Variants in GNB1L observed in about 807,000 individuals in gnomAD.
GNB1L encodes G protein subunit beta 1 like, also known as guanine nucleotide-binding protein subunit beta-like protein 1.
GNB1L carries 20 observed loss-of-function variants against 29.1 expected under a neutral mutation model. That is an observed-to-expected ratio of 0.69 (90% CI 0.48 to 1.00). The LOEUF is 1.00. Ranked by LOEUF, GNB1L falls within the 50% of genes least tolerant of loss-of-function variation. GNB1L has a pLI of 0.00. For missense variants in GNB1L, 421 were observed against 464.9 expected, an observed-to-expected ratio of 0.91 and a Z score of 0.87; for synonymous variants, 193 against 206.5, an observed-to-expected ratio of 0.93 and a Z score of 0.56.
chr22:19,821,632 GA>G (rs1569047753), intron 2 of GNB1L, among the ~76,000 whole-genome samples: 1 of 152,206 alleles, frequency 6.6e-6, no homozygotes, highest in Non-Finnish European at 1.5e-5. Flanking sequence ...GGGGAACTGG[GA>G]GCCCCATGGA....
chr22:19,817,341 C>T (rs1937535383), intron 4 of GNB1L, among the ~76,000 whole-genome samples: 1 of 152,148 alleles, frequency 6.6e-6, no homozygotes, highest in Non-Finnish European at 1.5e-5. Flanking sequence ...ATTGGCTGGA[C>T]GTAACGGCAC....
intron 2 of GNB1L, among the ~76,000 whole-genome samples, chr22:19,841,213 G>A (rs926679105): frequency 1.1e-4 from 16 of 152,180 alleles, no homozygotes; most frequent in African/African-American, 3.4e-4. Flanking sequence ...TCAGAAATGC[G>A]TCCGTGCACA....
chr22:19,792,672 G>A, intron 7 of GNB1L: 2 of 1,481,658 alleles, frequency 1.3e-6, no homozygotes, highest in African/African-American at 1.4e-5. Context: ...TGGCAAACGG[G>A]ACGTCCCCAC....
Position 19,821,318 on chromosome 22 carries a change from TG to T in GNB1L, c.37del (p.Gln13SerfsTer59), listed in dbSNP as rs1937577232. ...TGACTGGGTGCCTCGGAGGACAAAC[TG>T]GGGGTCTGGAGGTGGCGGCGGGCAG... is the stretch of plus-strand genomic sequence containing the variant. The part of the protein sequence containing the change: ...APCPPPPPDP[Q>X]FVLRGTQSPV... On this transcript the variant is annotated frameshift_variant, in exon 3 of 8. Coordinates refer to ENST00000329517, the MANE Select transcript of GNB1L (RefSeq NM_053004.3). LOFTEE classifies it high-confidence loss of function. 3.7e-6 allele frequency: 6 copies of T among 1,613,128 alleles called. No individual in the cohort carries two copies. The highest frequency in any genetic ancestry group is 5.1e-6 in the Non-Finnish European group (6 of 1,179,696).
At position 19,802,106 on chromosome 22, in the gene GNB1L, C is replaced by T; in HGVS notation, c.627G>A (p.Glu209=). 1 of 1,613,600 alleles carries T rather than the reference C, an allele frequency of 6.2e-7. No individual in the cohort carries two copies. The highest frequency in any genetic ancestry group is 8.5e-7 in the Non-Finnish European group (1 of 1,180,014). The change falls in exon 7 of 8, where the codon GAG becomes GAA. Residue 209 remains glutamate (E), a synonymous_variant. Transcript: ENST00000329517. ...AGTCAAAGTCAAGGTCCATGACGGG[C>T]TCCTCATGGCAGGCGATGCGGCTGC... The part of the protein sequence containing the change: ...KVCSRIACHE[E]PVMDLDFDSQ...
intron 4 of GNB1L, among the ~76,000 whole-genome samples, chr22:19,817,606 C>T (rs1937539793): frequency 6.6e-6 from 1 of 152,246 alleles, no homozygotes; most frequent in Middle Eastern, 3.2e-3. Flanking sequence ...CTCCTTATGT[C>T]TCCACGCTTC....
chr22:19,783,275 G>A lies in GNB1L; in HGVS notation c.*5434C>T. The stretch of plus-strand genomic sequence containing the variant: ...CAAGAGATAATGGCACCAGGATGAG[G>A]CCAAATGACTCGATTTCTCTACACC... On this transcript the variant is annotated 3_prime_UTR_variant, in exon 8 of 8. Transcript: ENST00000329517. 1 of 499,884 alleles carries A rather than the reference G, an allele frequency of 2.0e-6. No individual in the cohort carries two copies. Among genetic ancestry groups the A allele is most frequent in the Non-Finnish European group, 3.7e-6 (1 of 272,944 alleles). The allele number at this position is 499,884 out of a possible 1,614,324, so 31.0% of individuals were successfully genotyped here.
intron 2 of GNB1L, chr22:19,851,956 T>G (rs760803414): frequency 1.2e-6 from 2 of 1,614,132 alleles, no homozygotes; most frequent in Admixed American, 3.3e-5. Flanking sequence ...TGCCTGGGTC[T>G]GAGCCTGGTA....
intron 6 of GNB1L, 60 bp from the exon 7 acceptor site, chr22:19,802,276 G>A (rs1937383803): frequency 5.1e-6 from 7 of 1,383,220 alleles, no homozygotes; most frequent in South Asian, 2.4e-5. Context: ...TGAGTTTCGG[G>A]GGAGAAGGGG....
At position 19,783,292 on chromosome 22, in the gene GNB1L, C is replaced by G; in HGVS notation, c.*5417G>C. The G allele has an allele frequency of 2.2e-6, 1 of 453,072 alleles. No individual in the cohort carries two copies. The highest frequency in any genetic ancestry group is 4.1e-6 in the Non-Finnish European group (1 of 243,446). The allele number at this position is 453,072 out of a possible 1,614,324, so 28.1% of individuals were successfully genotyped here. ...AGGATGAGGCCAAATGACTCGATTT[C>G]TCTACACCCCACATTTTACAGGTTT... On this transcript the variant is annotated 3_prime_UTR_variant, in exon 8 of 8. Coordinates refer to ENST00000329517, the MANE Select transcript of GNB1L (RefSeq NM_053004.3).
chr22:19,846,738 GAC>G (rs768289488), intron 2 of GNB1L: 1 of 363,574 alleles, frequency 2.8e-6, no homozygotes, highest in Non-Finnish European at 3.8e-6. Flanking sequence ...TTAGGACACA[GAC>G]ACAGACAGGG....
At chr22:19,801,907 G>A in intron 7 of GNB1L, 94 bp downstream of exon 7, 2 of 1,085,672 alleles carry the variant, frequency 1.8e-6, no homozygotes, top group Non-Finnish European at 1.3e-6. Flanking sequence ...CCAGGGATCT[G>A]CAACAACTCC....
In GNB1L at chr22:19,793,409, C is replaced by T. The variant is rs375609830; in HGVS notation, c.733-4449G>A. Among the ~76,000 whole-genome samples the T allele has an allele frequency of 3.3e-5, 5 of 151,976 alleles. 1 individual carries two copies. The highest frequency in any genetic ancestry group is 4.1e-4 in the South Asian group (2 of 4,822). ...TTGCCCAATCTGAAGAGAGAAAAAA[C>T]GACTGAACCAAAACAAACAGAGCCT... is the stretch of plus-strand genomic sequence containing the variant. On this transcript the variant is annotated intron_variant, in intron 7 of 7. Coordinates refer to ENST00000329517, the MANE Select transcript of GNB1L (RefSeq NM_053004.3).
At chr22:19,820,460 C>T (rs1937569101) in intron 4 of GNB1L, 138 bp downstream of exon 4, 2 of 932,080 alleles carry the variant, frequency 2.1e-6, no homozygotes, top group Non-Finnish European at 1.6e-6. Context: ...ACACCCTGCC[C>T]TTGCTGCGGA....
intron 2 of GNB1L, among the ~76,000 whole-genome samples, chr22:19,840,107 GTC>G (rs1217101271): frequency 6.6e-6 from 1 of 151,906 alleles, no homozygotes. Context: ...TGTGAATGTG[GTC>G]TCTCTCTTAC....
At chr22:19,846,832 C>A in intron 2 of GNB1L, 2 of 810,012 alleles carry the variant, frequency 2.5e-6, no homozygotes, top group Non-Finnish European at 1.5e-6. Context: ...TGATCTCAGG[C>A]TTCTAGCTCC....
Position 19,788,328 on chromosome 22 carries a change from G to T in GNB1L, c.*381C>A. The T allele has an allele frequency of 1.8e-6, 1 of 551,356 alleles. No individual in the cohort carries two copies. Among genetic ancestry groups the T allele is most frequent in the Non-Finnish European group, 3.2e-6 (1 of 310,708 alleles). 34.2% of individuals were successfully genotyped at this position (551,356 alleles called of 1,614,324 possible). ...ACAGCAGGTGTGAGGGTGGGGCTGAGCATCCTGCCTGGTGGGGGTCTGAGG... is the reference window on the plus strand; with the variant it reads ...ACAGCAGGTGTGAGGGTGGGGCTGATCATCCTGCCTGGTGGGGGTCTGAGG... On this transcript the variant is annotated 3_prime_UTR_variant, in exon 8 of 8. Transcript: ENST00000329517.
intron 2 of GNB1L, among the ~76,000 whole-genome samples, chr22:19,832,510 C>G (rs1937697111): frequency 1.3e-5 from 2 of 152,080 alleles, no homozygotes; most frequent in South Asian, 4.1e-4. Context: ...TGCAGAGCTA[C>G]CAGGCAGCAG....
chr22:19,806,589 C>A (rs1356775607), intron 6 of GNB1L, 70 bp downstream of exon 6: 5 of 956,754 alleles, frequency 5.2e-6, no homozygotes, highest in South Asian at 1.5e-5. Context: ...TAAATCAGAT[C>A]CTGAATGGAG....
Sources: allele counts gnomAD v4.1 joint callset (sites outside exome capture counted in the v4.1 genomes callset), GRCh38; gene constraint gnomAD v4.1.1; transcripts MANE v1.5; gene names NCBI Gene and HGNC (gene_info 2026-07-23, HGNC 2026-07-21).